The following SLC6A18 variants were observed in gnomAD, a reference collection of about 807,000 sequenced individuals.
The protein encoded by SLC6A18 is inactive sodium-dependent neutral amino acid transporter B(0)AT3.
A neutral mutation model predicts 62.9 loss-of-function variants in SLC6A18; 58 were observed. The ratio of observed to expected loss-of-function variants is 0.92; its 90% confidence interval spans 0.75 to 1.15. The LOEUF (loss-of-function observed/expected upper bound fraction) is 1.15, where lower values mean the gene tolerates loss of function less well. Among genes scored for constraint, SLC6A18 ranks in the 50% most tolerant of loss-of-function variants. The pLI, the probability that SLC6A18 is intolerant of heterozygous loss-of-function variation, is 0.00. For synonymous variants in SLC6A18, 382 were observed against 365.8 expected, an observed-to-expected ratio of 1.04 and a Z score of -0.51; for missense variants, 793 against 836.6, an observed-to-expected ratio of 0.95 and a Z score of 0.64.
At chr5:1,244,184 A>AACCCCCCC in intron 9 of SLC6A18, 30 bp from the exon 10 acceptor site, 1 of 752,222 alleles carries the variant, frequency 1.3e-6, no homozygotes, top group Non-Finnish European at 1.8e-6. Context: ...CCATCCCCTT[A>AACCCCCCC]CCCCCCACAC....
Position 1,239,722 on chromosome 5 carries a change from C to T in SLC6A18, c.845+160C>T, listed in dbSNP as rs550492228. On this transcript the variant is annotated intron_variant, in intron 6 of 11. Coordinates refer to ENST00000324642, the MANE Select transcript of SLC6A18 (RefSeq NM_182632.3). ...TGGGCCCTCACGGCAGCTCCCAGCA[C>T]GTCCGGAGCTGGCTGCAGGAAGACA... Among the ~76,000 whole-genome samples the T allele has an allele frequency of 3.3e-5, 5 of 152,276 alleles. No homozygotes were observed. The South Asian group carries it at 6.2e-4, about 19-fold the overall frequency.
intron 9 of SLC6A18, 39 bp from the exon 10 acceptor site, chr5:1,244,175 C>CCCACCCCAAA: frequency 1.1e-6 from 1 of 893,908 alleles, no homozygotes; most frequent in Non-Finnish European, 1.8e-6. Flanking sequence ...CTCCACTCCC[C>CCCACCCCAAA]ATCCCCTTAC....
In SLC6A18 at chr5:1,242,700, C is replaced by T. The variant is rs778826635; in HGVS notation, c.975-7C>T. On this transcript the variant is annotated splice_region_variant and splice_polypyrimidine_tract_variant and intron_variant, in intron 7 of 11. Coordinates refer to ENST00000324642, the MANE Select transcript of SLC6A18 (RefSeq NM_182632.3). ...CCATGAGCCCACAGTCCTCTCTGTC[C>T]CCGCAGAAACATCCTCAGCCTCATC... 64 of 1,597,508 alleles carry T rather than the reference C, an allele frequency of 4.0e-5. 1 individual carries two copies. The South Asian group carries it at 7.0e-4, about 18-fold the overall frequency.
At chr5:1,225,727 G>T in intron 1 of SLC6A18, 90 bp downstream of exon 1, 7 of 1,435,222 alleles carry the variant, frequency 4.9e-6, no homozygotes, top group Non-Finnish European at 6.5e-6. Context: ...CGCATCCCCA[G>T]TGCTTGGGCA....
intron 1 of SLC6A18, among the ~76,000 whole-genome samples, chr5:1,231,237 G>A (rs942488485): frequency 4.6e-5 from 7 of 152,208 alleles, no homozygotes; most frequent in Admixed American, 1.3e-4. Context: ...CAGAAGGCAC[G>A]GCCATTCATC....
rs1747215186 is a variant in SLC6A18 at position 1,246,065 on chromosome 5, C to G, written c.1874C>G (p.Thr625Arg). The G allele has an allele frequency of 6.3e-7, 1 of 1,582,102 alleles. No individual in the cohort carries two copies. The highest frequency in any genetic ancestry group is 1.7e-5 in the Admixed American group (1 of 57,546). ...TRPDTDMRPDTDMR is the reference protein window; with the variant it reads ...TRPDTDMRPDRDMR The stretch of plus-strand genomic sequence containing the variant: ...CCAGACACGGACATGCGCCCGGACA[C>G]GGACATGCGCTGAAGCCGGCCGGAG... Residue 625 changes from threonine to arginine, a missense_variant, in exon 12 of 12, where the codon ACG becomes AGG. By Grantham distance (71) the Thr-to-Arg change is moderately conservative. Coordinates refer to ENST00000324642, the MANE Select transcript of SLC6A18 (RefSeq NM_182632.3).
chr5:1,229,606 C>A (rs559270915), intron 1 of SLC6A18, among the ~76,000 whole-genome samples: 2 of 152,210 alleles, frequency 1.3e-5, no homozygotes, highest in Non-Finnish European at 2.9e-5. Flanking sequence ...CTGCCCACCG[C>A]GACGTGGTGC....
At chr5:1,237,772 G>A (rs1204475925) in intron 4 of SLC6A18, among the ~76,000 whole-genome samples, 178 bp from the exon 5 acceptor site, 1 of 152,114 alleles carries the variant, frequency 6.6e-6, no homozygotes, top group Non-Finnish European at 1.5e-5. Flanking sequence ...CTCCGAGCTT[G>A]CCCTGAGCCT....
At position 1,242,765 on chromosome 5, in the gene SLC6A18, G is replaced by A. The variant is rs201233463; in HGVS notation, c.1033G>A (p.Asp345Asn). ...CCCAGAGCAGAGCATCTCCAGGGAC[G>A]ACTACCCAGCCGTCCTCATGCACCT... Reference protein sequence around the residue: ...DFPEQSISRDDYPAVLMHLNA... With the variant: ...DFPEQSISRDNYPAVLMHLNA... The change falls in exon 8 of 12, where the codon GAC becomes AAC. Residue 345 changes from aspartate (D) to asparagine (N), a missense_variant. By Grantham distance (23) the Asp-to-Asn change is conservative. Coordinates refer to ENST00000324642, the MANE Select transcript of SLC6A18 (RefSeq NM_182632.3). 47 of 1,613,790 alleles carry A rather than the reference G, an allele frequency of 2.9e-5. 1 individual carries two copies. In the Admixed American group the frequency reaches 4.5e-4, roughly 15 times the overall value.
At chr5:1,226,715 A>G (rs928295663) in intron 1 of SLC6A18, among the ~76,000 whole-genome samples, 4 of 152,070 alleles carry the variant, frequency 2.6e-5, no homozygotes, top group African/African-American at 7.2e-5. Context: ...TCTTCTCATC[A>G]TGAGAGTCCC....
chr5:1,243,591 A>T lies in SLC6A18; in HGVS notation c.1168A>T (p.Thr390Ser). The change falls in exon 9 of 12, where the codon ACG becomes TCG. Residue 390 changes from threonine (T) to serine (S), a missense_variant. Transcript: ENST00000324642. This position sits in a 1 kb window ranked among gnomAD's most constrained non-coding sequence, Gnocchi z 6.5. ...SGPGLAFVVF[T>S]ETDLHMPGAP... ...CCCGGGCCTGGCCTTCGTCGTCTTC[A>T]CGGAGACCGACCTCCACATGCCGGG... is the stretch of plus-strand genomic sequence containing the variant. 2 of 1,613,870 alleles carry T rather than the reference A, an allele frequency of 1.2e-6. No homozygotes were observed. Among genetic ancestry groups the T allele is most frequent in the Non-Finnish European group, 1.7e-6 (2 of 1,179,978 alleles).
chr5:1,228,514 C>T (rs10077307), intron 1 of SLC6A18, among the ~76,000 whole-genome samples: 1 of 152,144 alleles, frequency 6.6e-6, no homozygotes, highest in Non-Finnish European at 1.5e-5. Flanking sequence ...ATCTCTCAGC[C>T]TCGTGTGGTG....
At chr5:1,233,799 T>G (rs1008011046) in intron 3 of SLC6A18, among the ~76,000 whole-genome samples, 4 of 150,482 alleles carry the variant, frequency 2.7e-5, no homozygotes, top group Non-Finnish European at 5.9e-5. Context: ...TGGAGTGCAG[T>G]GGTGCTATCT....
chr5:1,230,499 G>A (rs557089013), intron 1 of SLC6A18, among the ~76,000 whole-genome samples: 3 of 152,282 alleles, frequency 2.0e-5, no homozygotes, highest in East Asian at 1.9e-4. Flanking sequence ...TAAATGACAC[G>A]GACAAGAGCC....
chr5:1,227,111 CGCCG>C (rs1561173455), intron 1 of SLC6A18, among the ~76,000 whole-genome samples: 1 of 149,370 alleles, frequency 6.7e-6, no homozygotes, highest in Non-Finnish European at 1.5e-5. Flanking sequence ...ACGCCTTGCC[CGCCG>C]ACGCCTTGCC....
Position 1,232,755 on chromosome 5 carries a change from G to A in SLC6A18, c.306G>A (p.Leu102=), listed in dbSNP as rs1282580560. Residue 102 remains leucine (L), a synonymous_variant, in exon 3 of 12, where the codon CTG becomes CTA. Coordinates refer to ENST00000324642, the MANE Select transcript of SLC6A18 (RefSeq NM_182632.3). ...AISPYLSGVG[L]GCVTLSFLIS... ...TGACATGGTCCCTGTCCACAGGGCT[G>A]GGCTGTGTCACGCTGTCCTTCCTGA... The A allele has an allele frequency of 6.2e-7, 1 of 1,612,654 alleles. No homozygotes were observed. The highest frequency in any genetic ancestry group is 8.5e-7 in the Non-Finnish European group (1 of 1,179,486).
chr5:1,225,526 G>A lies in SLC6A18; in HGVS notation c.49G>A (p.Glu17Lys). The change falls in exon 1 of 12, where the codon GAG becomes AAG. Residue 17 changes from glutamate (E) to lysine (K), a missense_variant. Coordinates refer to ENST00000324642, the MANE Select transcript of SLC6A18 (RefSeq NM_182632.3). ...CCCGGCCGCCTGCGACCTCGGGGAT[G>A]AGAGGCCCAAGTGGGACAACAAGGC... ...PDPAACDLGD[E>K]RPKWDNKAQY... 1 of 1,613,510 alleles carries A rather than the reference G, an allele frequency of 6.2e-7. No homozygotes were observed. The highest frequency in any genetic ancestry group is 8.5e-7 in the Non-Finnish European group (1 of 1,179,548).
Position 1,235,799 on chromosome 5 carries a change from G to T in SLC6A18, c.621+137G>T. 5 of 832,910 alleles carry T rather than the reference G, an allele frequency of 6.0e-6. No individual in the cohort carries two copies. The South Asian group carries it at 8.4e-5, about 14-fold the overall frequency. 51.6% of individuals were successfully genotyped at this position (832,910 alleles called of 1,614,324 possible). ...ATCTAGGATTGCAACGTCTTCTTAGGGAATTGATCCCATTATCACTGTGAA... is the reference window on the plus strand; with the variant it reads ...ATCTAGGATTGCAACGTCTTCTTAGTGAATTGATCCCATTATCACTGTGAA... On this transcript the variant is annotated intron_variant, in intron 4 of 11. Transcript: ENST00000324642.
chr5:1,226,810 G>A (rs1015765461), intron 1 of SLC6A18, among the ~76,000 whole-genome samples: 21 of 152,166 alleles, frequency 1.4e-4, no homozygotes, highest in African/African-American at 4.6e-4. Flanking sequence ...GCTGCGGCTC[G>A]ATCTGCTAAG....
Sources: gnomAD v4.1 joint callset for allele counts (sites outside exome capture counted in the v4.1 genomes callset) on GRCh38, gnomAD v4.1.1 for gene constraint, Gnocchi (gnomAD v3.1) non-coding constraint, MANE v1.5 for transcripts, NCBI Gene and HGNC (gene_info 2026-07-23, HGNC 2026-07-21) for gene names.